The following UGT2A1 variants were observed in gnomAD, a reference collection of about 807,000 sequenced individuals.
UGT2A1 encodes UDP-glucuronosyltransferase 2A1.
UGT2A1 carries 61 observed loss-of-function variants against 45.4 expected under a neutral mutation model. That is an observed-to-expected ratio of 1.34 (90% CI 1.09 to 1.66). UGT2A1 has a LOEUF of 1.66. Ranked by LOEUF, UGT2A1 falls within the 40% of genes most tolerant of loss-of-function variation. The pLI is 0.00. For missense variants in UGT2A1, 649 were observed against 574.3 expected (o/e 1.13, Z -1.33); for synonymous variants, 229 against 196.2 (o/e 1.17, Z -1.40).
At chr4:69,602,842 T>C (rs1394852619) in intron 3 of UGT2A1, among the ~76,000 whole-genome samples, 1 of 135,876 alleles carries the variant, frequency 7.4e-6, no homozygotes, top group African/African-American at 3.0e-5. Context: ...TAATTATGAA[T>C]CTTATTAAGG....
At chr4:69,630,496 T>G (rs1721323697) in intron 3 of UGT2A1, among the ~76,000 whole-genome samples, 1 of 152,240 alleles carries the variant, frequency 6.6e-6, no homozygotes, top group East Asian at 1.9e-4. Context: ...CATTTGAATT[T>G]TGCAGATTCA....
chr4:69,621,832 A>C (rs988031945), intron 3 of UGT2A1, among the ~76,000 whole-genome samples: 1 of 151,912 alleles, frequency 6.6e-6, no homozygotes, highest in African/African-American at 2.4e-5. Flanking sequence ...TAAAAAGGAA[A>C]GAGAACATGT....
chr4:69,594,760 C>T, intron 5 of UGT2A1, 64 bp from the exon 6 acceptor site: 3 of 1,528,642 alleles, frequency 2.0e-6, no homozygotes, highest in South Asian at 1.2e-5. Context: ...ATTTGAGAGA[C>T]AGAAGGGGTC....
At chr4:69,639,094 A>T in intron 2 of UGT2A1, 1 of 1,613,468 alleles carries the variant, frequency 6.2e-7, no homozygotes, top group Non-Finnish European at 8.5e-7. Flanking sequence ...GATGCTGGAG[A>T]GAACCTCAAT....
At chr4:69,631,899 C>T (rs1258063719) in intron 3 of UGT2A1, among the ~76,000 whole-genome samples, 1 of 152,104 alleles carries the variant, frequency 6.6e-6, no homozygotes, top group Non-Finnish European at 1.5e-5. Context: ...TTTTAGTTGG[C>T]ACTTTTGTCA....
chr4:69,618,602 G>C (rs1720554311), intron 3 of UGT2A1, among the ~76,000 whole-genome samples: 1 of 151,964 alleles, frequency 6.6e-6, no homozygotes, highest in African/African-American at 2.4e-5. Context: ...AGTACACAAA[G>C]ATTGTATATT....
At chr4:69,645,922 T>G (rs183471157) in intron 2 of UGT2A1, among the ~76,000 whole-genome samples, 89 of 151,918 alleles carry the variant, frequency 5.9e-4, no homozygotes, top group Non-Finnish European at 1.1e-3. Flanking sequence ...ACACTTTTCC[T>G]TCCCCATTCT....
chr4:69,630,339 G>A (rs17618230), intron 3 of UGT2A1, among the ~76,000 whole-genome samples: 28,871 of 151,760 alleles, frequency 0.19, 2,978 homozygotes, highest in Non-Finnish European at 0.22. Context: ...GCCATGCAGC[G>A]TCTTTACTCT....
chr4:69,589,867 T>C (rs1718490261), intron 6 of UGT2A1, among the ~76,000 whole-genome samples: 1 of 152,168 alleles, frequency 6.6e-6, no homozygotes. Context: ...TGATCAAATG[T>C]AGACATAAAA....
chr4:69,641,315 T>C (rs1157620549), intron 2 of UGT2A1, among the ~76,000 whole-genome samples: 1 of 151,912 alleles, frequency 6.6e-6, no homozygotes, highest in Non-Finnish European at 1.5e-5. Context: ...TAAAACAACA[T>C]TTTGTTTAGT....
rs183336666 is a variant in UGT2A1, at chr4:69,643,275, C to T, written c.715+3655G>A. 9.9e-5 allele frequency among the ~76,000 whole-genome samples: 15 copies of T among 151,388 alleles called. No homozygotes were observed. In the South Asian group the frequency reaches 1.0e-3, roughly 11 times the overall value. ...CTAAACACATTGAAAAGAAGAAAAG[C>T]GTTCAAGAAAAATTTAACCTAAAAT... On this transcript the variant is annotated intron_variant, in intron 2 of 6. Transcript: ENST00000286604.
chr4:69,618,710 A>T (rs934078451), intron 3 of UGT2A1, among the ~76,000 whole-genome samples: 1 of 152,010 alleles, frequency 6.6e-6, no homozygotes, highest in Non-Finnish European at 1.5e-5. Context: ...TCTAAGTTCA[A>T]TCAATTCTAT....
intron 3 of UGT2A1, among the ~76,000 whole-genome samples, chr4:69,623,067 C>G (rs1577981189): frequency 6.6e-6 from 1 of 151,770 alleles, no homozygotes; most frequent in African/African-American, 2.4e-5. Flanking sequence ...CCTTCTGTTA[C>G]TGAAGGCAAT....
intron 3 of UGT2A1, among the ~76,000 whole-genome samples, chr4:69,615,763 T>C (rs959440757): frequency 2.6e-5 from 4 of 151,720 alleles, no homozygotes; most frequent in Non-Finnish European, 4.4e-5. Flanking sequence ...CAATAACAAA[T>C]GCTGGTGAGG....
rs142284972 is a variant in UGT2A1 at position 69,643,996 on chromosome 4, T to C, written c.715+2934A>G. Among the ~76,000 whole-genome samples the C allele has an allele frequency of 7.5e-3, 1,145 of 151,748 alleles. 14 individuals carry two copies. The highest frequency in any genetic ancestry group is 0.012 in the Non-Finnish European group (830 of 67,672). On this transcript the variant is annotated intron_variant, in intron 2 of 6. Transcript: ENST00000286604. ...TACTTCTTACCTGGTCTTTTAAATA[T>C]GACTGTTCATGTTCCTGGCATCAGT... is the stretch of plus-strand genomic sequence containing the variant.
At chr4:69,616,248 G>T (rs1253865193) in intron 3 of UGT2A1, among the ~76,000 whole-genome samples, 1 of 151,866 alleles carries the variant, frequency 6.6e-6, no homozygotes, top group African/African-American at 2.4e-5. Flanking sequence ...GGGGGGTGGG[G>T]AGGGTATAAA....
At position 69,635,782 on chromosome 4, in the gene UGT2A1, C is replaced by A; in HGVS notation, c.756G>T (p.Ala252=). ...LLCCPGWSAV[A]DLGSLQPLLP... Reference sequence around the variant, plus strand: ...GCAGAGGTTGCAGTGAGCCAAGATCCGCCACTGCACTCCAGCCTGGGCAAC... The same window carrying A: ...GCAGAGGTTGCAGTGAGCCAAGATCAGCCACTGCACTCCAGCCTGGGCAAC... Residue 252 remains alanine (A), a synonymous_variant, in exon 3 of 7, where the codon GCG becomes GCT. Transcript: ENST00000286604. The A allele has an allele frequency of 5.8e-6, 1 of 171,810 alleles. No homozygotes were observed. Among genetic ancestry groups the A allele is most frequent in the South Asian group, 7.4e-5 (1 of 13,604 alleles). The allele number at this position is 171,810 out of a possible 1,614,324, so 10.6% of individuals were successfully genotyped here.
chr4:69,651,778 C>T (rs1465920460), intron 1 of UGT2A1, among the ~76,000 whole-genome samples: 4 of 152,132 alleles, frequency 2.6e-5, no homozygotes, highest in Non-Finnish European at 5.9e-5. Flanking sequence ...TGAAGTGTGA[C>T]CATCCAAGGA....
At chr4:69,621,737 A>G (rs554185328) in intron 3 of UGT2A1, among the ~76,000 whole-genome samples, 1 of 152,138 alleles carries the variant, frequency 6.6e-6, no homozygotes, top group Admixed American at 6.6e-5. Flanking sequence ...AATAGCAAAA[A>G]CATGAAGTCA....
Sources: allele counts gnomAD v4.1 joint callset (sites outside exome capture counted in the v4.1 genomes callset), GRCh38; gene constraint gnomAD v4.1.1; transcripts MANE v1.5; gene names NCBI Gene and HGNC (gene_info 2026-07-23, HGNC 2026-07-21).